MMRN1: variants seen among roughly 807,000 people sequenced by gnomAD.
MMRN1 encodes the protein multimerin-1.
A neutral mutation model predicts 100.7 loss-of-function variants in MMRN1; 94 were observed. The observed-to-expected ratio is 0.93, with a 90% CI of 0.79 to 1.11. The LOEUF (loss-of-function observed/expected upper bound fraction) is 1.11, where lower values mean the gene tolerates loss of function less well. Among genes scored for constraint, MMRN1 ranks in the 50% least tolerant of loss-of-function variants. The pLI, the probability that MMRN1 is intolerant of heterozygous loss-of-function variation, is 0.00. For synonymous variants in MMRN1, 575 were observed against 505.0 expected (o/e 1.14, Z -1.86); for missense variants, 1,606 against 1,439.1 (o/e 1.12, Z -1.88).
chr4:89,943,958 G>T (rs895619716), intron 6 of MMRN1, among the ~76,000 whole-genome samples: 2 of 151,564 alleles, frequency 1.3e-5, no homozygotes, highest in Admixed American at 6.6e-5. Flanking sequence ...CTCCAGCTTG[G>T]GCAGCAGAGC....
At chr4:89,927,083 T>C (rs973973493) in intron 4 of MMRN1, among the ~76,000 whole-genome samples, 33 of 152,118 alleles carry the variant, frequency 2.2e-4, no homozygotes, top group African/African-American at 8.0e-4. Context: ...TTCCTTCAGT[T>C]GTTCTTTTTG....
At chr4:89,900,948 G>C (rs372152819) in intron 1 of MMRN1, among the ~76,000 whole-genome samples, 4 of 151,912 alleles carry the variant, frequency 2.6e-5, no homozygotes, top group African/African-American at 9.7e-5. Flanking sequence ...ATAAAAGTGT[G>C]GTGTCATAGA....
At chr4:89,942,283 T>C (rs1424132702) in intron 6 of MMRN1, among the ~76,000 whole-genome samples, 1 of 152,274 alleles carries the variant, frequency 6.6e-6, no homozygotes, top group East Asian at 1.9e-4. Context: ...TGTCTGTAAA[T>C]TAAATGCAAT....
At chr4:89,897,610 G>A (rs1721250653) in intron 1 of MMRN1, among the ~76,000 whole-genome samples, 1 of 152,156 alleles carries the variant, frequency 6.6e-6, no homozygotes, top group African/African-American at 2.4e-5. Context: ...GTGGCATACA[G>A]TTGTGTCATA....
At position 89,898,193 on chromosome 4, in the gene MMRN1, A is replaced by AAAT. The variant is rs201296240; in HGVS notation, c.623+2613_623+2615dup. Among the ~76,000 whole-genome samples the AAAT allele has an allele frequency of 3.3e-5, 5 of 152,154 alleles. No individual in the cohort carries two copies. The East Asian group carries it at 5.8e-4, about 18-fold the overall frequency. ...TCCTTCGTACTTTCATTTGATTGGC[A>AAAT]AATAATAATAATAATAGTAGCAAAC... On this transcript the variant is annotated intron_variant, in intron 1 of 7. Transcript: ENST00000264790.
At chr4:89,951,488 C>A in intron 6 of MMRN1, 117 bp from the exon 7 acceptor site, 1 of 1,082,190 alleles carries the variant, frequency 9.2e-7, no homozygotes, top group Non-Finnish European at 1.2e-6. Flanking sequence ...GCCGTGGAGC[C>A]CATTTTTCTT....
At chr4:89,886,653 G>A (rs1720942774) in intron 1 of MMRN1, among the ~76,000 whole-genome samples, 1 of 152,084 alleles carries the variant, frequency 6.6e-6, no homozygotes, top group African/African-American at 2.4e-5. Context: ...TATGATATTA[G>A]ATTTATCCAT....
rs1018575149 is a variant in MMRN1 at position 89,941,748 on chromosome 4, A to G, written c.3118+4950A>G. Among the ~76,000 whole-genome samples the G allele has an allele frequency of 5.9e-5, 9 of 152,262 alleles. No homozygotes were observed. The East Asian group carries it at 1.7e-3, about 29-fold the overall frequency. On this transcript the variant is annotated intron_variant, in intron 6 of 7. Coordinates refer to ENST00000264790, the MANE Select transcript of MMRN1 (RefSeq NM_007351.3). ...TTCTAAAGATATCAGTCTCTGGCCT[A>G]CTATGTTCACTCTTCTCTGCAGATT...
chr4:89,924,773 G>T (rs1305783221), intron 4 of MMRN1, among the ~76,000 whole-genome samples: 1 of 152,230 alleles, frequency 6.6e-6, no homozygotes, highest in East Asian at 1.9e-4. Context: ...GAACCCGGGA[G>T]GCAGAGGTTG....
intron 5 of MMRN1, among the ~76,000 whole-genome samples, chr4:89,928,170 CTT>C (rs1178981209): frequency 2.0e-5 from 3 of 151,948 alleles, no homozygotes; most frequent in African/African-American, 7.3e-5. Flanking sequence ...ATACTGAAGT[CTT>C]TGACTGAATA....
intron 4 of MMRN1, among the ~76,000 whole-genome samples, chr4:89,924,990 A>C (rs1722203326): frequency 1.3e-5 from 2 of 152,154 alleles, no homozygotes. Flanking sequence ...CATCCCCTCA[A>C]GCATTTATCC....
chr4:89,889,707 A>G (rs79429922), intron 1 of MMRN1, among the ~76,000 whole-genome samples: 3 of 152,180 alleles, frequency 2.0e-5, no homozygotes, highest in Admixed American at 6.5e-5. Context: ...AATCTCATCA[A>G]TTCAACACTA....
At chr4:89,949,412 C>A (rs1723089645) in intron 6 of MMRN1, among the ~76,000 whole-genome samples, 1 of 152,182 alleles carries the variant, frequency 6.6e-6, no homozygotes, top group Non-Finnish European at 1.5e-5. Flanking sequence ...GAGTTGATCA[C>A]TGTGCTAAAT....
chr4:89,888,977 T>C, intron 1 of MMRN1, among the ~76,000 whole-genome samples: 1 of 152,250 alleles, frequency 6.6e-6, no homozygotes, highest in East Asian at 1.9e-4. Flanking sequence ...TTATTTGTCT[T>C]ACAATTTTTA....
At chr4:89,883,048 T>C (rs1336032758) in intron 1 of MMRN1, among the ~76,000 whole-genome samples, 4 of 152,086 alleles carry the variant, frequency 2.6e-5, no homozygotes, top group Non-Finnish European at 4.4e-5. Context: ...CTCTCAGTAA[T>C]CATATTGATT....
At chr4:89,928,033 T>C in intron 5 of MMRN1, 65 bp downstream of exon 5, 1 of 1,311,978 alleles carries the variant, frequency 7.6e-7, no homozygotes, top group East Asian at 2.6e-5. Flanking sequence ...CATTTTTCTT[T>C]TCTTACATCA....
chr4:89,952,420 T>C (rs1003888152), intron 7 of MMRN1, among the ~76,000 whole-genome samples: 1 of 152,226 alleles, frequency 6.6e-6, no homozygotes, highest in Non-Finnish European at 1.5e-5. Context: ...CTTAATAATA[T>C]CCTGCATAGT....
chr4:89,939,705 C>T (rs565019142), intron 6 of MMRN1, among the ~76,000 whole-genome samples: 1 of 152,198 alleles, frequency 6.6e-6, no homozygotes, highest in Non-Finnish European at 1.5e-5. Context: ...GTTCACATGC[C>T]TTTCTCTTCT....
At chr4:89,921,851 G>C (rs1270311541) in intron 3 of MMRN1, among the ~76,000 whole-genome samples, 1 of 152,162 alleles carries the variant, frequency 6.6e-6, no homozygotes, top group Non-Finnish European at 1.5e-5. Flanking sequence ...CTGTGGAGTA[G>C]AGAAGCTTAA....
Sources: gnomAD v4.1 joint callset for allele counts (sites outside exome capture counted in the v4.1 genomes callset) on GRCh38, gnomAD v4.1.1 for gene constraint, MANE v1.5 for transcripts, NCBI Gene and HGNC (gene_info 2026-07-23, HGNC 2026-07-21) for gene names.